Variants in PLEKHA1 observed in about 807,000 individuals in gnomAD.
PLEKHA1 encodes pleckstrin homology domain containing A1, also known as pleckstrin homology domain-containing family A member 1.
In PLEKHA1, 34 loss-of-function variants were observed where a neutral mutation model predicts 52.0. The observed-to-expected ratio is 0.65, with a 90% confidence interval of 0.50 to 0.87. The LOEUF is 0.87. Among genes scored for constraint, PLEKHA1 ranks in the 40% least tolerant of loss-of-function variants. The probability of loss-of-function intolerance (pLI) is 0.00; values close to 1 mark genes in which losing one functional copy is unlikely to be tolerated. For synonymous variants in PLEKHA1, 163 were observed against 170.7 expected (o/e 0.95, Z 0.35); for missense variants, 497 against 504.2 (o/e 0.99, Z 0.14).
chr10:122,396,291 G>A (rs1216036052), intron 2 of PLEKHA1, among the ~76,000 whole-genome samples: 1 of 151,990 alleles, frequency 6.6e-6, no homozygotes, highest in Non-Finnish European at 1.5e-5. Context: ...TCACTTTGGT[G>A]GTAGTTAGAG....
chr10:122,442,334 G>T, the PLEKHA1 span: 1 of 151,744 alleles, frequency 6.6e-6, no homozygotes, highest in Admixed American at 6.6e-5. Flanking sequence ...TTTAAAAAAA[G>T]AATAGCCTTA....
intron 3 of PLEKHA1, among the ~76,000 whole-genome samples, chr10:122,399,597 T>C (rs1015939709): frequency 7.1e-6 from 1 of 140,470 alleles, no homozygotes; most frequent in Non-Finnish European, 1.6e-5. Context: ...TTTATTTTTA[T>C]TTTTTGAGAT....
At chr10:122,414,237 T>A (rs1322273072) in intron 6 of PLEKHA1, among the ~76,000 whole-genome samples, 1 of 152,146 alleles carries the variant, frequency 6.6e-6, no homozygotes, top group Admixed American at 6.5e-5. Flanking sequence ...TTTCCTGTAG[T>A]TGTGTTAAGA....
At chr10:122,387,258 C>T (rs2096712664) in intron 1 of PLEKHA1, 1 of 151,924 alleles carries the variant, frequency 6.6e-6, no homozygotes, top group Non-Finnish European at 1.5e-5. Flanking sequence ...TCATATTAGA[C>T]CTTTTCTAAT....
Position 122,376,501 on chromosome 10 carries a change from G to GATAT in PLEKHA1, c.-21+1725_-21+1728dup, listed in dbSNP as rs56781870. Reference sequence around the variant, plus strand: ...GCTGTGAATTTAGTGACATTAAGAAGATATATATATATATATATATATATA... The same window carrying GATAT: ...GCTGTGAATTTAGTGACATTAAGAAGATATATATATATATATATATATATATATA... On this transcript the variant is annotated intron_variant, in intron 1 of 11. Transcript: ENST00000368990. Among the ~76,000 whole-genome samples the GATAT allele has an allele frequency of 8.2e-4, 120 of 146,814 alleles. 2 individuals are homozygous for GATAT. The East Asian group carries it at 8.4e-3, about 10-fold the overall frequency.
intron 1 of PLEKHA1, among the ~76,000 whole-genome samples, chr10:122,376,688 G>T (rs2096543236): frequency 6.6e-6 from 1 of 152,134 alleles, no homozygotes; most frequent in Non-Finnish European, 1.5e-5. Flanking sequence ...AACAAAATAG[G>T]AAAGATGGTG....
intron 3 of PLEKHA1, among the ~76,000 whole-genome samples, chr10:122,398,593 T>TTGTG (rs10653605): frequency 3.6e-4 from 53 of 147,606 alleles, no homozygotes; most frequent in South Asian, 8.7e-4. Flanking sequence ...CCCTATGGGT[T>TTGTG]TGTGTGTGTG....
intron 8 of PLEKHA1, chr10:122,418,649 A>C (rs898737456): frequency 6.6e-6 from 1 of 152,098 alleles, no homozygotes; most frequent in African/African-American, 2.4e-5. Flanking sequence ...TTCACATAAG[A>C]TGTTTTTATC....
intron 11 of PLEKHA1, 41 bp downstream of exon 11, chr10:122,427,072 C>A: frequency 4.6e-6 from 7 of 1,528,656 alleles, no homozygotes; most frequent in Non-Finnish European, 5.4e-6. Flanking sequence ...CCTTGCGTCT[C>A]CCCCATCCTA....
intron 7 of PLEKHA1, among the ~76,000 whole-genome samples, chr10:122,416,742 A>G (rs1590801139): frequency 1.3e-5 from 2 of 152,188 alleles, no homozygotes; most frequent in African/African-American, 2.4e-5. Flanking sequence ...TTAGAATTTC[A>G]TGAGAAAATT....
In PLEKHA1 at chr10:122,431,382, A is replaced by C. The variant is rs2097415460; in HGVS notation, c.*1444A>C. ...TGATCCACCCATCTCAGCCTCCCAA[A>C]GTGCTGGGATTACAGGCGTGAGCCA... On this transcript the variant is annotated 3_prime_UTR_variant, in exon 12 of 12. Transcript: ENST00000368990. 1 of 152,680 alleles carries C rather than the reference A, an allele frequency of 6.5e-6. No homozygotes were observed. Among genetic ancestry groups the C allele is most frequent in the African/African-American group, 2.4e-5 (1 of 41,458 alleles). The allele number at this position is 152,680 out of a possible 1,614,324, so 9.5% of individuals were successfully genotyped here. A position where few individuals can be genotyped will look rare whatever the true frequency, so the allele number is the denominator to read the frequency against.
the PLEKHA1 span, chr10:122,440,240 CAT>C: frequency 2.0e-5 from 3 of 152,180 alleles, no homozygotes; most frequent in Non-Finnish European, 4.4e-5. Context: ...TTGTAAAGAA[CAT>C]GTGGTTCCTG....
At chr10:122,395,889 C>G (rs76794721) in intron 2 of PLEKHA1, among the ~76,000 whole-genome samples, 1 of 151,954 alleles carries the variant, frequency 6.6e-6, no homozygotes, top group Non-Finnish European at 1.5e-5. Flanking sequence ...TGAAGATATT[C>G]GAAAAAGTAT....
At chr10:122,438,568 A>T in the PLEKHA1 span, 1 of 152,312 alleles carries the variant, frequency 6.6e-6, no homozygotes, top group African/African-American at 2.4e-5. Flanking sequence ...AACTGCAAGT[A>T]AGGTGGGGAA....
chr10:122,407,751 C>A (rs775966012), intron 5 of PLEKHA1, among the ~76,000 whole-genome samples: 2 of 151,752 alleles, frequency 1.3e-5, no homozygotes, highest in Non-Finnish European at 2.9e-5. Context: ...GTGTCAATTG[C>A]GTTTTTGTTT....
Position 122,412,958 on chromosome 10 carries a change from C to A in PLEKHA1, c.381C>A (p.Asn127Lys). The A allele has an allele frequency of 6.2e-7, 1 of 1,613,458 alleles. No homozygotes were observed. The highest frequency in any genetic ancestry group is 8.5e-7 in the Non-Finnish European group (1 of 1,179,598). ...CAGACTCACAGCCTAATTCTGATAACCTAAGTCGCCATGGTGAATGTGGGA... is the reference window on the plus strand; with the variant it reads ...CAGACTCACAGCCTAATTCTGATAAACTAAGTCGCCATGGTGAATGTGGGA... ...KQSDSQPNSD[N>K]LSRHGECGKK... The change falls in exon 6 of 12, where the codon AAC becomes AAA. Residue 127 changes from asparagine to lysine, a missense_variant. Coordinates refer to ENST00000368990, the MANE Select transcript of PLEKHA1 (RefSeq NM_001001974.4).
intron 2 of PLEKHA1, among the ~76,000 whole-genome samples, chr10:122,396,056 C>G (rs1480939792): frequency 6.7e-6 from 1 of 148,774 alleles, no homozygotes; most frequent in Non-Finnish European, 1.5e-5. Flanking sequence ...CATACTAGTC[C>G]ACAGAAACTG....
At chr10:122,380,196 T>C (rs1015685084) in intron 1 of PLEKHA1, among the ~76,000 whole-genome samples, 4 of 152,232 alleles carry the variant, frequency 2.6e-5, no homozygotes, top group African/African-American at 9.6e-5. Context: ...ACGTTAATCT[T>C]TGATGCAGTA....
intron 6 of PLEKHA1, among the ~76,000 whole-genome samples, chr10:122,414,255 TTAG>T (rs1434403422): frequency 6.6e-6 from 1 of 152,258 alleles, no homozygotes; most frequent in Admixed American, 6.5e-5. Flanking sequence ...AGACACTGTA[TTAG>T]TTTGTATCTG....
Sources: allele counts gnomAD v4.1 joint callset (sites outside exome capture counted in the v4.1 genomes callset), GRCh38; gene constraint gnomAD v4.1.1; transcripts MANE v1.5; gene names NCBI Gene and HGNC (gene_info 2026-07-23, HGNC 2026-07-21).